The following FSTL5 variants were observed in gnomAD, a reference collection of about 807,000 sequenced individuals.
The protein encoded by FSTL5 is follistatin like 5, also known as follistatin-related protein 5.
FSTL5 carries 62 observed loss-of-function variants against 89.1 expected under a neutral mutation model. The observed-to-expected ratio is 0.70, with a 90% CI of 0.57 to 0.86. FSTL5 has a LOEUF of 0.86. FSTL5 is among the 40% of genes least tolerant of loss of function. The pLI is 0.00. For missense variants in FSTL5, 1,057 were observed against 1,001.6 expected (o/e 1.06, Z -0.75); for synonymous variants, 383 against 346.2 (o/e 1.11, Z -1.18).
intron 6 of FSTL5, among the ~76,000 whole-genome samples, chr4:161,681,296 C>T (rs1393585086): frequency 2.0e-5 from 3 of 151,970 alleles, no homozygotes; most frequent in Admixed American, 1.3e-4. Context: ...AAAGAAAAAA[C>T]TACATCACTG....
At chr4:162,093,517 T>C (rs771176573) in intron 2 of FSTL5, among the ~76,000 whole-genome samples, 4 of 152,160 alleles carry the variant, frequency 2.6e-5, no homozygotes, top group Non-Finnish European at 5.9e-5. Flanking sequence ...CCTGCTGGGA[T>C]TAAGGAGAGA....
intron 3 of FSTL5, among the ~76,000 whole-genome samples, chr4:161,924,364 T>C (rs921081823): frequency 4.6e-5 from 7 of 150,708 alleles, no homozygotes; most frequent in Non-Finnish European, 8.9e-5. Flanking sequence ...TTAAAATATA[T>C]ATTTATATTT....
chr4:161,875,600 G>A (rs976147842), intron 4 of FSTL5, among the ~76,000 whole-genome samples: 10 of 152,236 alleles, frequency 6.6e-5, no homozygotes, highest in African/African-American at 2.4e-4. Context: ...GGGTCCGCTC[G>A]CACACTGTGG....
At chr4:161,912,205 T>C (rs1733713513) in intron 4 of FSTL5, among the ~76,000 whole-genome samples, 1 of 152,192 alleles carries the variant, frequency 6.6e-6, no homozygotes, top group Non-Finnish European at 1.5e-5. Flanking sequence ...AAAGCATTCT[T>C]TGCTTTTCAA....
chr4:161,887,336 A>G (rs1732838139), intron 4 of FSTL5, among the ~76,000 whole-genome samples: 1 of 152,124 alleles, frequency 6.6e-6, no homozygotes, highest in African/African-American at 2.4e-5. Context: ...AACACTTAGA[A>G]AGCAAAATAA....
intron 7 of FSTL5, among the ~76,000 whole-genome samples, chr4:161,590,958 T>A (rs1011984170): frequency 6.6e-6 from 1 of 152,312 alleles, no homozygotes; most frequent in African/African-American, 2.4e-5. Context: ...TACTATTGTA[T>A]GCAAATGTAT....
At chr4:161,997,029 A>G (rs1054201278) in intron 3 of FSTL5, among the ~76,000 whole-genome samples, 9 of 152,168 alleles carry the variant, frequency 5.9e-5, no homozygotes, top group Non-Finnish European at 1.2e-4. Flanking sequence ...TGCTAATTAG[A>G]TCTTCCATGG....
chr4:161,834,985 G>C (rs544040671), intron 4 of FSTL5, among the ~76,000 whole-genome samples: 1 of 146,114 alleles, frequency 6.8e-6, no homozygotes, highest in Admixed American at 6.8e-5. Context: ...AAAAGAGCCT[G>C]CATCGCCAAG....
At chr4:161,462,629 G>T (rs917670785) in intron 13 of FSTL5, among the ~76,000 whole-genome samples, 4 of 151,942 alleles carry the variant, frequency 2.6e-5, no homozygotes, top group African/African-American at 9.7e-5. Flanking sequence ...TACTTCAAAG[G>T]GTTATTGTGA....
chr4:162,075,546 C>T (rs1309181150), intron 2 of FSTL5, among the ~76,000 whole-genome samples: 1 of 151,776 alleles, frequency 6.6e-6, no homozygotes. Context: ...TGTGATGGAG[C>T]ACCAACAGCT....
intron 6 of FSTL5, among the ~76,000 whole-genome samples, chr4:161,709,883 G>T (rs1219117728): frequency 2.0e-5 from 3 of 152,046 alleles, no homozygotes; most frequent in African/African-American, 7.2e-5. Flanking sequence ...AAATAAAAAA[G>T]AATATTAATA....
chr4:162,056,667 C>T (rs1318864554), intron 2 of FSTL5, among the ~76,000 whole-genome samples: 1 of 152,064 alleles, frequency 6.6e-6, no homozygotes, highest in African/African-American at 2.4e-5. Flanking sequence ...ACATATCAAA[C>T]ATAAAAAGAA....
At chr4:161,447,668 C>G (rs534480885) in intron 15 of FSTL5, among the ~76,000 whole-genome samples, 6 of 151,852 alleles carry the variant, frequency 4.0e-5, no homozygotes, top group African/African-American at 7.3e-5. Context: ...AAAATAAAAG[C>G]CAATCAGGTA....
chr4:161,624,735 C>T (rs542007989), intron 7 of FSTL5, among the ~76,000 whole-genome samples: 8 of 151,956 alleles, frequency 5.3e-5, no homozygotes, highest in African/African-American at 9.6e-5. Flanking sequence ...TGAGGAAGAA[C>T]GATACTATTC....
intron 6 of FSTL5, among the ~76,000 whole-genome samples, chr4:161,690,397 T>C (rs1452395519): frequency 1.3e-5 from 2 of 151,994 alleles, no homozygotes; most frequent in Non-Finnish European, 1.5e-5. Flanking sequence ...AATTGAACTT[T>C]AATAGCAAAT....
chr4:161,636,379 C>A (rs531826483), intron 7 of FSTL5, among the ~76,000 whole-genome samples: 1 of 150,274 alleles, frequency 6.7e-6, no homozygotes, highest in African/African-American at 2.4e-5. Flanking sequence ...CTATATTAAA[C>A]ATTATCCATA....
chr4:162,144,269 T>A (rs1732884244), intron 1 of FSTL5, among the ~76,000 whole-genome samples: 1 of 152,196 alleles, frequency 6.6e-6, no homozygotes, highest in Non-Finnish European at 1.5e-5. Flanking sequence ...TTTATATAGC[T>A]ATAACTTAAT....
chr4:161,726,721 A>T (rs1739432284), intron 6 of FSTL5, among the ~76,000 whole-genome samples: 1 of 152,102 alleles, frequency 6.6e-6, no homozygotes, highest in Non-Finnish European at 1.5e-5. Context: ...AAGAAATGTT[A>T]AAAGTACATT....
rs74725837 is a variant in FSTL5 at position 161,399,051 on chromosome 4, T to C, written c.1842-12602A>G. On this transcript the variant is annotated intron_variant, in intron 15 of 15. Transcript: ENST00000306100. ...AATAAATTATATAAACATAGCACAATACTGTATGAATGGTATAATTAAGTC... is the reference window on the plus strand; with the variant it reads ...AATAAATTATATAAACATAGCACAACACTGTATGAATGGTATAATTAAGTC... Among the ~76,000 whole-genome samples, 450 of 152,234 alleles carry C rather than the reference T, an allele frequency of 3.0e-3. 2 individuals are homozygous for C. Among genetic ancestry groups the C allele is most frequent in the Middle Eastern group, 0.01 (3 of 294 alleles).
Sources: allele counts gnomAD v4.1 joint callset (sites outside exome capture counted in the v4.1 genomes callset), GRCh38; gene constraint gnomAD v4.1.1; transcripts MANE v1.5; gene names NCBI Gene and HGNC (gene_info 2026-07-23, HGNC 2026-07-21).